GMDS: variants seen among roughly 807,000 people sequenced by gnomAD.
The protein encoded by GMDS is GDP-mannose 4,6-dehydratase.
Under a neutral mutation model 49.9 loss-of-function variants are expected in GMDS, and 20 were observed. The observed-to-expected ratio is 0.40, with a 90% CI of 0.28 to 0.58. GMDS has a LOEUF of 0.58. GMDS is among the 20% of genes least tolerant of loss of function. The pLI is 0.42. For synonymous variants in GMDS, 177 were observed against 178.6 expected (o/e 0.99, Z 0.07); for missense variants, 362 against 481.4 (o/e 0.75, Z 2.32).
rs1767321713 is a variant in GMDS, at chr6:1,742,709, A to G, written c.772-123T>C. The G allele has an allele frequency of 1.3e-5, 8 of 619,654 alleles. No homozygotes were observed. The South Asian group carries it at 1.5e-4, about 12-fold the overall frequency. The allele number at this position is 619,654 out of a possible 1,614,324, so 38.4% of individuals were successfully genotyped here. On this transcript the variant is annotated intron_variant, in intron 7 of 10. Transcript: ENST00000380815. ...AACATGAGCATGAATTTCATAGCAT[A>G]TTCTAAGCACAACAGCAATGGCTCC...
chr6:1,783,042 C>A (rs1350378487), intron 7 of GMDS, among the ~76,000 whole-genome samples: 4 of 151,984 alleles, frequency 2.6e-5, no homozygotes, highest in African/African-American at 7.3e-5. Flanking sequence ...GTGGTCCCAG[C>A]TACTCTGGAA....
chr6:1,774,780 G>A (rs1768726460), intron 7 of GMDS, among the ~76,000 whole-genome samples: 1 of 152,228 alleles, frequency 6.6e-6, no homozygotes, highest in African/African-American at 2.4e-5. Flanking sequence ...ACTTTCATCA[G>A]TCATCACTGC....
rs183601250 is a variant in GMDS, at chr6:2,000,554, C to T, written c.346-39588G>A. ...GTGGTCTTTTGTAAGCTACCTCTTT[C>T]GATTAGCATAATATTTTTAAGGTTC... On this transcript the variant is annotated intron_variant, in intron 4 of 10. Coordinates refer to ENST00000380815, the MANE Select transcript of GMDS (RefSeq NM_001500.4). 1.2e-3 allele frequency among the ~76,000 whole-genome samples: 187 copies of T among 152,254 alleles called. 2 individuals are homozygous for T. The highest frequency in any genetic ancestry group is 4.4e-3 in the African/African-American group (181 of 41,552).
chr6:1,926,737 A>G (rs1231193804), intron 7 of GMDS, among the ~76,000 whole-genome samples: 1 of 152,208 alleles, frequency 6.6e-6, no homozygotes, highest in Non-Finnish European at 1.5e-5. Flanking sequence ...TATTTCTTAA[A>G]ACGGAGGGTA....
At chr6:2,204,206 C>T (rs1275138631) in intron 1 of GMDS, among the ~76,000 whole-genome samples, 2 of 151,956 alleles carry the variant, frequency 1.3e-5, no homozygotes, top group East Asian at 3.9e-4. Flanking sequence ...TCCCGGCCCT[C>T]TTTATGTTTG....
intron 4 of GMDS, among the ~76,000 whole-genome samples, chr6:2,039,823 A>G (rs983106592): frequency 6.6e-6 from 1 of 152,214 alleles, no homozygotes; most frequent in Admixed American, 6.5e-5. Context: ...ATATAAGCAG[A>G]AGCACAGTCT....
intron 1 of GMDS, among the ~76,000 whole-genome samples, chr6:2,241,332 C>G (rs747576617): frequency 6.6e-6 from 1 of 152,088 alleles, no homozygotes; most frequent in African/African-American, 2.4e-5. Flanking sequence ...GACTTTGAAC[C>G]GTTAAGTTGG....
chr6:1,733,071 T>C (rs1245535568), intron 8 of GMDS, among the ~76,000 whole-genome samples: 3 of 152,190 alleles, frequency 2.0e-5, no homozygotes, highest in Admixed American at 2.0e-4. Flanking sequence ...GACCCAGCAC[T>C]TCCTTACAGG....
At chr6:2,071,440 C>T (rs1019409917) in intron 4 of GMDS, among the ~76,000 whole-genome samples, 10 of 151,952 alleles carry the variant, frequency 6.6e-5, no homozygotes, top group African/African-American at 1.9e-4. Flanking sequence ...GCCCATGTGA[C>T]GTACTAGATA....
chr6:2,216,990 G>A (rs900228557), intron 1 of GMDS, among the ~76,000 whole-genome samples: 13 of 151,968 alleles, frequency 8.6e-5, no homozygotes, highest in Non-Finnish European at 1.8e-4. Context: ...GCACCATTCT[G>A]AGACCCGCAC....
At chr6:2,023,343 T>C (rs541967307) in intron 4 of GMDS, among the ~76,000 whole-genome samples, 5 of 152,252 alleles carry the variant, frequency 3.3e-5, no homozygotes, top group Non-Finnish European at 7.3e-5. Flanking sequence ...ACAGGACTTG[T>C]GTCTCTTCCT....
intron 9 of GMDS, among the ~76,000 whole-genome samples, chr6:1,704,857 G>A (rs983185813): frequency 2.6e-5 from 4 of 152,068 alleles, no homozygotes; most frequent in African/African-American, 7.2e-5. Flanking sequence ...GCGGTGGAGA[G>A]GGGGGCGGGG....
intron 6 of GMDS, among the ~76,000 whole-genome samples, chr6:1,942,702 C>A (rs1235771328): frequency 4.6e-5 from 7 of 152,224 alleles, no homozygotes; most frequent in Non-Finnish European, 8.8e-5. Context: ...AAGGGAGAAT[C>A]CTGAAGATAT....
chr6:1,984,334 A>G (rs1382811686), intron 4 of GMDS, among the ~76,000 whole-genome samples: 1 of 152,178 alleles, frequency 6.6e-6, no homozygotes. Flanking sequence ...ATATGTTTAC[A>G]TATGTAACAA....
At chr6:2,209,455 G>A (rs1179680510) in intron 1 of GMDS, among the ~76,000 whole-genome samples, 1 of 152,198 alleles carries the variant, frequency 6.6e-6, no homozygotes, top group East Asian at 1.9e-4. Context: ...ATAGGCAGGT[G>A]TTAGCCAAGA....
At chr6:1,941,780 G>A (rs1762834333) in intron 6 of GMDS, among the ~76,000 whole-genome samples, 1 of 152,140 alleles carries the variant, frequency 6.6e-6, no homozygotes, top group South Asian at 2.1e-4. Context: ...TCAAGGAGGT[G>A]GTAGCAGACA....
intron 1 of GMDS, among the ~76,000 whole-genome samples, chr6:2,204,676 C>T (rs567274410): frequency 2.0e-5 from 3 of 152,304 alleles, no homozygotes; most frequent in Admixed American, 6.5e-5. Flanking sequence ...TGGTGCAGAA[C>T]GGAGCATTCC....
At chr6:2,217,802 C>G (rs1015936848) in intron 1 of GMDS, among the ~76,000 whole-genome samples, 5 of 152,174 alleles carry the variant, frequency 3.3e-5, no homozygotes, top group South Asian at 2.1e-4. Context: ...CCAGTGCCCC[C>G]CAAAGCCCTG....
intron 4 of GMDS, among the ~76,000 whole-genome samples, chr6:2,115,114 T>G (rs1303653958): frequency 9.2e-5 from 14 of 152,206 alleles, no homozygotes; most frequent in Admixed American, 9.2e-4. Flanking sequence ...GCTTCAGATT[T>G]CACTTATTCA....
Sources: gnomAD v4.1 joint callset for allele counts (sites outside exome capture counted in the v4.1 genomes callset) on GRCh38, gnomAD v4.1.1 for gene constraint, MANE v1.5 for transcripts, NCBI Gene and HGNC (gene_info 2026-07-23, HGNC 2026-07-21) for gene names.